The following DGKI variants were observed in gnomAD, a reference collection of about 807,000 sequenced individuals.
The protein encoded by DGKI is DAG kinase iota.
In DGKI, 55 loss-of-function variants were observed where a neutral mutation model predicts 147.5. That is an observed-to-expected ratio of 0.37 (90% confidence interval 0.30 to 0.47). DGKI has a LOEUF of 0.47. DGKI is among the 20% of genes least tolerant of loss of function. The pLI, the probability that DGKI is intolerant of heterozygous loss-of-function variation, is 1.00. For missense variants in DGKI, 1,007 were observed against 1,323.8 expected (o/e 0.76, Z 3.71); for synonymous variants, 469 against 477.1 (o/e 0.98, Z 0.22).
Position 137,578,294 on chromosome 7 carries a change from A to T in DGKI, c.1674T>A (p.Phe558Leu). 3 of 1,613,396 alleles carry T rather than the reference A, an allele frequency of 1.9e-6. No homozygotes were observed. Among genetic ancestry groups the T allele is most frequent in the Non-Finnish European group, 2.5e-6 (3 of 1,179,350 alleles). The part of the protein sequence containing the change: ...EANPEKFNSR[F>L]RNKMFYAGAA... ...CCCCTGCATAGAACATTTTATTTCG[A>T]AAACGACTGTTGAATTTCTCTGGAT... is the stretch of plus-strand genomic sequence containing the variant. The change falls in exon 16 of 33, where the codon TTT (phenylalanine) becomes TTA (leucine). Residue 558 changes from phenylalanine to leucine, a missense_variant. Physicochemically the swap from Phe to Leu is conservative, Grantham distance 22. Around this residue, in one of 5 missense-constraint regions of DGKI, gnomAD observed 224 missense variants for 382.7 expected, o/e 0.59. Coordinates refer to ENST00000614521, the MANE Select transcript of DGKI (RefSeq NM_001321708.2).
intron 28 of DGKI, among the ~76,000 whole-genome samples, chr7:137,430,362 C>G (rs1347832854): frequency 1.4e-5 from 2 of 140,586 alleles, no homozygotes; most frequent in African/African-American, 5.4e-5. Flanking sequence ...AATGAGAACA[C>G]ATGGACACAG....
chr7:137,800,326 G>A (rs139299288), intron 1 of DGKI, among the ~76,000 whole-genome samples: 1 of 152,220 alleles, frequency 6.6e-6, no homozygotes, highest in African/African-American at 2.4e-5. Flanking sequence ...TTGGAGGTGG[G>A]GCCTGGTGGG....
intron 13 of DGKI, among the ~76,000 whole-genome samples, chr7:137,586,181 C>T (rs942779473): frequency 1.3e-5 from 2 of 152,028 alleles, no homozygotes; most frequent in Non-Finnish European, 2.9e-5. Context: ...AATCCCAGCA[C>T]TTTGGGAGGC....
intron 2 of DGKI, among the ~76,000 whole-genome samples, chr7:137,688,117 C>A (rs17169390): frequency 6.6e-6 from 1 of 152,160 alleles, no homozygotes; most frequent in Non-Finnish European, 1.5e-5. Flanking sequence ...CTATTTCCAA[C>A]ATCAAATGGG....
intron 28 of DGKI, among the ~76,000 whole-genome samples, chr7:137,439,639 C>T (rs1056193394): frequency 6.6e-6 from 1 of 152,208 alleles, no homozygotes; most frequent in African/African-American, 2.4e-5. Flanking sequence ...ACAGCCAAAC[C>T]ATATCAGTAA....
intron 12 of DGKI, among the ~76,000 whole-genome samples, chr7:137,588,531 CA>C (rs1332505001): frequency 7.0e-6 from 1 of 142,204 alleles, no homozygotes; most frequent in Admixed American, 7.3e-5. Flanking sequence ...GGCTGGAGTG[CA>C]GCGGCAAGAT....
chr7:137,401,209 G>A (rs775796878), intron 30 of DGKI, among the ~76,000 whole-genome samples: 3 of 152,044 alleles, frequency 2.0e-5, no homozygotes, highest in African/African-American at 7.2e-5. Context: ...TAAAGGAAAC[G>A]AGACAAAAGG....
intron 1 of DGKI, among the ~76,000 whole-genome samples, chr7:137,837,764 G>A (rs2117096040): frequency 6.6e-6 from 1 of 152,230 alleles, no homozygotes; most frequent in Admixed American, 6.5e-5. Flanking sequence ...AGAAAGAAAT[G>A]TCTGTTGTTT....
chr7:137,661,584 T>C (rs1822435207), intron 3 of DGKI, among the ~76,000 whole-genome samples: 1 of 152,032 alleles, frequency 6.6e-6, no homozygotes, highest in Admixed American at 6.5e-5. Context: ...TCCCCCATGG[T>C]TTCTCTACCC....
intron 24 of DGKI, 31 bp from the exon 25 acceptor site, chr7:137,466,973 G>A (rs180956530): frequency 6.2e-7 from 1 of 1,611,624 alleles, no homozygotes; most frequent in Non-Finnish European, 8.5e-7. Context: ...ATGGCATTCA[G>A]AATGTTCTGT....
In DGKI at chr7:137,471,746, A is replaced by G. The variant is rs73169834; in HGVS notation, c.2374-2127T>C. Among the ~76,000 whole-genome samples, 642 of 151,832 alleles carry G rather than the reference A, an allele frequency of 4.2e-3. 1 individual carries two copies. The highest frequency in any genetic ancestry group is 6.5e-3 in the Non-Finnish European group (443 of 67,958). ...GAATTCTGTGAATTAAATAATTGATAGAGGAAAAAATGGTCTCATTCAGGA... is the reference window on the plus strand; with the variant it reads ...GAATTCTGTGAATTAAATAATTGATGGAGGAAAAAATGGTCTCATTCAGGA... On this transcript the variant is annotated intron_variant, in intron 23 of 32. Transcript: ENST00000614521.
chr7:137,435,610 G>A (rs76905503), intron 28 of DGKI, among the ~76,000 whole-genome samples: 4,636 of 152,120 alleles, frequency 0.03, 243 homozygotes, highest in African/African-American at 0.11. Flanking sequence ...TTTTTACAAC[G>A]GGGATTCTAT....
At chr7:137,691,050 C>T (rs1414355616) in intron 1 of DGKI, among the ~76,000 whole-genome samples, 1 of 152,142 alleles carries the variant, frequency 6.6e-6, no homozygotes, top group African/African-American at 2.4e-5. Context: ...TAAGTGTGGT[C>T]TGAGAAGTAC....
chr7:137,758,778 G>A (rs1795764576), intron 1 of DGKI, among the ~76,000 whole-genome samples: 1 of 151,990 alleles, frequency 6.6e-6, no homozygotes, highest in Non-Finnish European at 1.5e-5. Flanking sequence ...TTCCCCAACA[G>A]TGCTGGTGCT....
At chr7:137,845,606 G>A (rs943328373) in intron 1 of DGKI, among the ~76,000 whole-genome samples, 3 of 152,138 alleles carry the variant, frequency 2.0e-5, no homozygotes, top group African/African-American at 2.4e-5. Flanking sequence ...TCTTGCCTGC[G>A]GAAGGGAGGG....
At position 137,582,434 on chromosome 7, in the gene DGKI, C is replaced by CTA. The variant is rs1554436072; in HGVS notation, c.1564-508_1564-507dup. On this transcript the variant is annotated intron_variant, in intron 14 of 32. Coordinates refer to ENST00000614521, the MANE Select transcript of DGKI (RefSeq NM_001321708.2). ...CCATTTTCTCTCTCTCTCTCTCTCT[C>CTA]TATATATATATATATATACACACAC... 9.2e-3 allele frequency among the ~76,000 whole-genome samples: 1,362 copies of CTA among 148,408 alleles called. 8 individuals carry two copies. The highest frequency in any genetic ancestry group is 0.024 in the Middle Eastern group (7 of 288).
chr7:137,651,084 T>A (rs1822011243), intron 5 of DGKI, among the ~76,000 whole-genome samples: 1 of 152,228 alleles, frequency 6.6e-6, no homozygotes, highest in Non-Finnish European at 1.5e-5. Flanking sequence ...TGGAGAGTTT[T>A]AAGCCAGGGA....
rs1359864111 is a variant in DGKI at position 137,391,299 on chromosome 7, T to A, written c.3095A>T (p.Asp1032Val). The A allele has an allele frequency of 6.2e-7, 1 of 1,612,190 alleles. No homozygotes were observed. The highest frequency in any genetic ancestry group is 1.7e-5 in the Admixed American group (1 of 59,822). The change falls in exon 33 of 33, where the codon GAC becomes GTC. Residue 1032 changes from aspartate (D) to valine (V), a missense_variant. Asp to Val is a radical substitution (Grantham distance 152). This residue lies in a region of DGKI where 385 missense variants were observed against 445.2 expected (regional missense o/e 0.86). Transcript: ENST00000614521. The stretch of plus-strand genomic sequence containing the variant: ...TTCTAGGTAAGCAGCCAAGTCTGGG[T>A]CCCCAGCCTGCTGTGCTCTTTCTTG... ...TPQERAQQAGDPDLAAYLESR... is the reference protein window; with the variant it reads ...TPQERAQQAGVPDLAAYLESR...
At chr7:137,800,118 AT>A (rs1331427668) in intron 1 of DGKI, among the ~76,000 whole-genome samples, 1 of 152,160 alleles carries the variant, frequency 6.6e-6, no homozygotes, top group Non-Finnish European at 1.5e-5. Flanking sequence ...GGGGATTCCA[AT>A]TTCCCCCCTA....
Sources: allele counts gnomAD v4.1 joint callset (sites outside exome capture counted in the v4.1 genomes callset), GRCh38; gene constraint gnomAD v4.1.1; regional missense constraint gnomAD v4.1.1; transcripts MANE v1.5; gene names NCBI Gene and HGNC (gene_info 2026-07-23, HGNC 2026-07-21).